Variants in CORIN observed in about 807,000 individuals in gnomAD.
CORIN encodes atrial natriuretic peptide-converting enzyme.
Under a neutral mutation model 125.3 loss-of-function variants are expected in CORIN, and 117 were observed. The ratio of observed to expected loss-of-function variants is 0.93; its 90% confidence interval spans 0.80 to 1.09. The LOEUF is 1.09. CORIN is among the 50% of genes least tolerant of loss of function. CORIN has a pLI of 0.00. For missense variants in CORIN, 1,253 were observed against 1,306.7 expected (o/e 0.96, Z 0.63); for synonymous variants, 450 against 466.4 (o/e 0.96, Z 0.45).
intron 1 of CORIN, among the ~76,000 whole-genome samples, chr4:47,832,550 T>C (rs1232005789): frequency 1.3e-5 from 2 of 150,266 alleles, no homozygotes; most frequent in Admixed American, 1.3e-4. Context: ...ATTTAAGCAA[T>C]TCTCTTGCCT....
rs1236926879 is a variant in CORIN at position 47,594,631 on chromosome 4, A to G, written c.*1090T>C. 1 of 152,186 alleles carries G rather than the reference A, an allele frequency of 6.6e-6. No individual in the cohort carries two copies. The highest frequency in any genetic ancestry group is 1.5e-5 in the Non-Finnish European group (1 of 68,014). 9.4% of individuals were successfully genotyped at this position (152,186 alleles called of 1,614,324 possible). A position where few individuals can be genotyped will look rare whatever the true frequency, so the allele number is the denominator to read the frequency against. ...ATGCAAAGTCTTACTGTGCTCTAAAATATGCTCTTTATGACTTTGTTGGTA... is the reference window on the plus strand; with the variant it reads ...ATGCAAAGTCTTACTGTGCTCTAAAGTATGCTCTTTATGACTTTGTTGGTA... On this transcript the variant is annotated 3_prime_UTR_variant, in exon 22 of 22. Transcript: ENST00000273857.
Position 47,595,653 on chromosome 4 carries a change from G to A in CORIN, c.*68C>T. On this transcript the variant is annotated 3_prime_UTR_variant, in exon 22 of 22. Transcript: ENST00000273857. ...GCTTCTGTACAGCTCTCTGCAGGCA[G>A]CTCTTCACAGTCAAGAAGGCCATTT... 1 of 1,276,706 alleles carries A rather than the reference G, an allele frequency of 7.8e-7. No homozygotes were observed. The highest frequency in any genetic ancestry group is 1.5e-5 in the South Asian group (1 of 66,310). The allele number at this position is 1,276,706 out of a possible 1,614,324, so 79.1% of individuals were successfully genotyped here. A position where few individuals can be genotyped will look rare whatever the true frequency, so the allele number is the denominator to read the frequency against.
chr4:47,604,120 G>T (rs6847217), intron 19 of CORIN, among the ~76,000 whole-genome samples: 1 of 151,960 alleles, frequency 6.6e-6, no homozygotes, highest in Non-Finnish European at 1.5e-5. Context: ...GGTCACCCAC[G>T]ACCTCCAATG....
chr4:47,778,169 G>A (rs749174214), intron 3 of CORIN, among the ~76,000 whole-genome samples: 29 of 152,108 alleles, frequency 1.9e-4, no homozygotes, highest in Non-Finnish European at 3.4e-4. Flanking sequence ...TCCTAAAGAG[G>A]AAATTGTGAT....
chr4:47,638,345 T>C (rs190332931), intron 16 of CORIN, among the ~76,000 whole-genome samples: 2 of 152,254 alleles, frequency 1.3e-5, no homozygotes, highest in Non-Finnish European at 2.9e-5. Context: ...GAAGGAATGA[T>C]TGGTTTTGAA....
In CORIN at chr4:47,714,367, T is replaced by A. The variant is rs569631451; in HGVS notation, c.800-21284A>T. On this transcript the variant is annotated intron_variant, in intron 5 of 21. Transcript: ENST00000273857. ...TTAGATTATTTTAGGTAAAATAAGATTCATTAGATTTCTGGAATTTTACAG... is the reference window on the plus strand; with the variant it reads ...TTAGATTATTTTAGGTAAAATAAGAATCATTAGATTTCTGGAATTTTACAG... Among the ~76,000 whole-genome samples the A allele has an allele frequency of 3.9e-5, 6 of 152,278 alleles. No individual in the cohort carries two copies. The East Asian group carries it at 1.2e-3, about 29-fold the overall frequency.
intron 9 of CORIN, among the ~76,000 whole-genome samples, chr4:47,674,774 AAT>A (rs1724937711): frequency 6.6e-6 from 1 of 152,194 alleles, no homozygotes; most frequent in South Asian, 2.1e-4. Context: ...ATGGGAAAAA[AAT>A]AGTGTTTTCT....
At chr4:47,653,473 G>A (rs1228953042) in intron 13 of CORIN, 80 bp downstream of exon 13, 2 of 1,122,316 alleles carry the variant, frequency 1.8e-6, no homozygotes, top group Non-Finnish European at 2.7e-6. Context: ...TCAGTGAATA[G>A]TTTCCATTTT....
At chr4:47,632,768 G>T (rs62299166) in intron 16 of CORIN, among the ~76,000 whole-genome samples, 1,678 of 96,800 alleles carry the variant, frequency 0.017, 26 homozygotes, top group Non-Finnish European at 0.021. Context: ...GATAGATAGA[G>T]ATAGATAGTT....
chr4:47,668,355 T>A (rs187904304), intron 10 of CORIN, among the ~76,000 whole-genome samples: 1 of 152,344 alleles, frequency 6.6e-6, no homozygotes, highest in Admixed American at 6.5e-5. Flanking sequence ...AATGCTTCCA[T>A]GCCTTTCCCC....
In CORIN at chr4:47,642,910, G is replaced by C. The variant is rs1221123189; in HGVS notation, c.2068+236C>G. On this transcript the variant is annotated intron_variant, in intron 15 of 21. Coordinates refer to ENST00000273857, the MANE Select transcript of CORIN (RefSeq NM_006587.4). Reference sequence around the variant, plus strand: ...AGCAATTATATGATTACAACATTTTGAACCCAAACGTTTTTCCATACAATA... The same window carrying C: ...AGCAATTATATGATTACAACATTTTCAACCCAAACGTTTTTCCATACAATA... 2.5e-5 allele frequency: 37 copies of C among 1,504,244 alleles called. No homozygotes were observed. The Admixed American group carries it at 7.7e-4, about 31-fold the overall frequency. 93.2% of individuals were successfully genotyped at this position (1,504,244 alleles called of 1,614,324 possible). A position where few individuals can be genotyped will look rare whatever the true frequency, so the allele number is the denominator to read the frequency against.
At chr4:47,814,171 A>G (rs1017476451) in intron 1 of CORIN, among the ~76,000 whole-genome samples, 35 of 152,172 alleles carry the variant, frequency 2.3e-4, no homozygotes, top group African/African-American at 7.7e-4. Flanking sequence ...GACCAGCCTC[A>G]AGGATAATAA....
intron 1 of CORIN, among the ~76,000 whole-genome samples, chr4:47,833,357 A>G (rs1273251499): frequency 6.6e-6 from 1 of 152,148 alleles, no homozygotes; most frequent in Non-Finnish European, 1.5e-5. Context: ...GCAAAAGAAT[A>G]ACATTGGAAC....
intron 3 of CORIN, among the ~76,000 whole-genome samples, chr4:47,780,601 A>AT (rs968334614): frequency 5.3e-5 from 8 of 151,716 alleles, no homozygotes; most frequent in East Asian, 1.9e-4. Flanking sequence ...GTCAAAGTTA[A>AT]TTTTTTTTTA....
chr4:47,770,169 T>C (rs754406871), intron 3 of CORIN, among the ~76,000 whole-genome samples: 1 of 151,808 alleles, frequency 6.6e-6, no homozygotes, highest in Non-Finnish European at 1.5e-5. Context: ...TAGGAAACAA[T>C]AACTAAATTT....
At chr4:47,690,198 T>A (rs1212488048) in intron 6 of CORIN, among the ~76,000 whole-genome samples, 1 of 152,224 alleles carries the variant, frequency 6.6e-6, no homozygotes, top group Non-Finnish European at 1.5e-5. Flanking sequence ...GATCAGAGTA[T>A]AATCTCACTA....
intron 3 of CORIN, among the ~76,000 whole-genome samples, chr4:47,767,711 T>C (rs993744815): frequency 3.3e-5 from 5 of 152,140 alleles, no homozygotes; most frequent in Non-Finnish European, 7.4e-5. Flanking sequence ...GAGAATAGGA[T>C]GCTAAGAAAA....
chr4:47,816,386 G>A (rs890189794), intron 1 of CORIN, among the ~76,000 whole-genome samples: 7 of 152,074 alleles, frequency 4.6e-5, no homozygotes, highest in Non-Finnish European at 7.4e-5. Flanking sequence ...TACAAAACAC[G>A]TCTATGTGAC....
intron 5 of CORIN, among the ~76,000 whole-genome samples, chr4:47,697,085 G>A (rs1445662153): frequency 3.3e-5 from 5 of 152,154 alleles, no homozygotes; most frequent in East Asian, 1.9e-4. Flanking sequence ...CATGCTGCTC[G>A]AAATCAAGTA....
Sources: gnomAD v4.1 joint callset for allele counts (sites outside exome capture counted in the v4.1 genomes callset) on GRCh38, gnomAD v4.1.1 for gene constraint, MANE v1.5 for transcripts, NCBI Gene and HGNC (gene_info 2026-07-23, HGNC 2026-07-21) for gene names.